Variants in RANBP2 observed in about 807,000 individuals in gnomAD.
The protein encoded by RANBP2 is RAN binding protein 2.
Under a neutral mutation model 303.6 loss-of-function variants are expected in RANBP2, and 57 were observed. That is an observed-to-expected ratio of 0.19 (90% CI 0.15 to 0.23). RANBP2 has a LOEUF of 0.23. RANBP2 is among the 10% of genes least tolerant of loss of function. RANBP2 has a pLI of 1.00. For synonymous variants in RANBP2, 1,167 were observed against 1,301.5 expected (o/e 0.90, Z 2.23); for missense variants, 3,138 against 3,780.8 (o/e 0.83, Z 4.46).
At chr2:109,226,016 G>A in the RANBP2 span, among the ~76,000 whole-genome samples, 1 of 152,200 alleles carries the variant, frequency 6.6e-6, no homozygotes, top group Non-Finnish European at 1.5e-5. Flanking sequence ...TAATATTAGA[G>A]TAGTATTTTG....
chr2:109,368,920 C>A, the RANBP2 span, among the ~76,000 whole-genome samples: 1 of 149,798 alleles, frequency 6.7e-6, no homozygotes, highest in Non-Finnish European at 1.5e-5. Flanking sequence ...CTGAGCTGGG[C>A]CAATCATGCC....
the RANBP2 span, among the ~76,000 whole-genome samples, chr2:109,140,128 T>TC: frequency 2.4e-4 from 37 of 152,150 alleles, no homozygotes; most frequent in African/African-American, 8.4e-4. Flanking sequence ...CTGTCCACCG[T>TC]CCCCTCCTGC....
chr2:109,195,843 G>A, the RANBP2 span, among the ~76,000 whole-genome samples: 2 of 152,074 alleles, frequency 1.3e-5, no homozygotes, highest in Non-Finnish European at 2.9e-5. Flanking sequence ...GCCTGATCCC[G>A]GCATGGAGTC....
chr2:109,415,374 C>T, the RANBP2 span, among the ~76,000 whole-genome samples: 2 of 152,196 alleles, frequency 1.3e-5, no homozygotes, highest in African/African-American at 4.8e-5. Flanking sequence ...TGCAGGCTTG[C>T]GAAGGTTGAA....
chr2:108,937,050 AG>A, the RANBP2 span, among the ~76,000 whole-genome samples: 1 of 152,260 alleles, frequency 6.6e-6, no homozygotes, highest in Non-Finnish European at 1.5e-5. Context: ...CGCAGAGCAC[AG>A]GCCAAACGTC....
the RANBP2 span, among the ~76,000 whole-genome samples, chr2:109,011,614 T>C: frequency 1.3e-5 from 2 of 152,196 alleles, no homozygotes; most frequent in Non-Finnish European, 2.9e-5. Flanking sequence ...CTGCGTCCTC[T>C]CTCTATGGAA....
the RANBP2 span, among the ~76,000 whole-genome samples, chr2:109,424,015 G>C: frequency 2.0e-5 from 3 of 152,324 alleles, no homozygotes; most frequent in Non-Finnish European, 4.4e-5. Context: ...CTGCAGGGCC[G>C]GTTGCAGTGG....
chr2:109,155,112 A>C, the RANBP2 span, among the ~76,000 whole-genome samples: 1 of 152,286 alleles, frequency 6.6e-6, no homozygotes, highest in Non-Finnish European at 1.5e-5. Context: ...GAGCCACATA[A>C]AGGCATTTTG....
chr2:108,860,062 TG>T, the RANBP2 span, among the ~76,000 whole-genome samples: 19 of 152,252 alleles, frequency 1.2e-4, 1 homozygote, highest in East Asian at 3.7e-3. Flanking sequence ...TGTGTGTGGC[TG>T]TTGTAAATAG....
the RANBP2 span, among the ~76,000 whole-genome samples, chr2:109,411,894 G>A: frequency 6.6e-6 from 1 of 152,228 alleles, no homozygotes; most frequent in African/African-American, 2.4e-5. Context: ...GCCATATCAA[G>A]TGTCAGCTGA....
chr2:108,761,953 G>A lies in RANBP2; in HGVS notation c.2603-148G>A, dbSNP rs3932816. The A allele has an allele frequency of 1.3e-5, 8 of 593,078 alleles. No individual in the cohort carries two copies. The East Asian group carries it at 1.9e-4, about 14-fold the overall frequency. The allele number at this position is 593,078 out of a possible 1,614,324, so 36.7% of individuals were successfully genotyped here. On this transcript the variant is annotated intron_variant, in intron 18 of 28. Coordinates refer to ENST00000283195, the MANE Select transcript of RANBP2 (RefSeq NM_006267.5). Reference sequence around the variant, plus strand: ...TTGTCATTTGATAATCTTGATTGGTGTATTTTGATGTACAGAAATTTAAAA... The same window carrying A: ...TTGTCATTTGATAATCTTGATTGGTATATTTTGATGTACAGAAATTTAAAA...
chr2:108,759,499 T>C (rs887132249), intron 18 of RANBP2, among the ~76,000 whole-genome samples: 3 of 152,104 alleles, frequency 2.0e-5, no homozygotes, highest in African/African-American at 4.8e-5. Context: ...CCTTTTTTTT[T>C]CTCTTTTTAG....
At chr2:109,335,741 A>G in the RANBP2 span, among the ~76,000 whole-genome samples, 2 of 152,188 alleles carry the variant, frequency 1.3e-5, no homozygotes, top group East Asian at 3.8e-4. Context: ...CGCACCCCAC[A>G]AGTAACGGGC....
At chr2:108,827,767 G>A in the RANBP2 span, among the ~76,000 whole-genome samples, 7 of 149,080 alleles carry the variant, frequency 4.7e-5, no homozygotes, top group Non-Finnish European at 1.0e-4. Flanking sequence ...AGTGAGCTGA[G>A]ATTGTCCCAC....
the RANBP2 span, chr2:109,553,222 A>G: frequency 6.2e-7 from 1 of 1,613,276 alleles, no homozygotes; most frequent in East Asian, 2.2e-5. Flanking sequence ...CTTGAACACT[A>G]AAAAGTTATT....
chr2:109,622,230 C>A, the RANBP2 span, among the ~76,000 whole-genome samples: 12 of 152,144 alleles, frequency 7.9e-5, no homozygotes, highest in African/African-American at 2.7e-4. Context: ...GCTACTTGCC[C>A]AAGGTCACAA....
the RANBP2 span, among the ~76,000 whole-genome samples, chr2:109,506,255 C>CT: frequency 6.6e-6 from 1 of 152,214 alleles, no homozygotes; most frequent in Admixed American, 6.5e-5. Flanking sequence ...CTAACTGACA[C>CT]TGACAGGTGG....
At chr2:109,461,096 G>T in the RANBP2 span, among the ~76,000 whole-genome samples, 1 of 152,224 alleles carries the variant, frequency 6.6e-6, no homozygotes, top group East Asian at 1.9e-4. Context: ...GGCATTTTAG[G>T]CCACTTCCTC....
chr2:109,457,814 G>T, the RANBP2 span, among the ~76,000 whole-genome samples: 1 of 152,094 alleles, frequency 6.6e-6, no homozygotes, highest in South Asian at 2.1e-4. Flanking sequence ...AAAAACAAGC[G>T]CACACCCCAT....
Sources: gnomAD v4.1 joint callset for allele counts (sites outside exome capture counted in the v4.1 genomes callset) on GRCh38, gnomAD v4.1.1 for gene constraint, MANE v1.5 for transcripts, NCBI Gene and HGNC (gene_info 2026-07-23, HGNC 2026-07-21) for gene names.